NMNAT2: variants seen among roughly 807,000 people sequenced by gnomAD.
NMNAT2 encodes the protein nicotinamide/nicotinic acid mononucleotide adenylyltransferase 2.
In NMNAT2, 11 loss-of-function variants were observed where a neutral mutation model predicts 41.6. The ratio of observed to expected loss-of-function variants is 0.26; its 90% CI spans 0.17 to 0.44. NMNAT2 has a LOEUF of 0.44. Ranked by LOEUF, NMNAT2 falls within the 20% of genes least tolerant of loss-of-function variation. The pLI is 1.00. For synonymous variants in NMNAT2, 148 were observed against 151.2 expected, an observed-to-expected ratio of 0.98 and a Z score of 0.16; for missense variants, 288 against 407.7, an observed-to-expected ratio of 0.71 and a Z score of 2.53.
At chr1:183,415,058 C>T (rs886084369) in intron 1 of NMNAT2, among the ~76,000 whole-genome samples, 5 of 152,162 alleles carry the variant, frequency 3.3e-5, no homozygotes, top group Non-Finnish European at 5.9e-5. Flanking sequence ...ATACTGCAAC[C>T]TCTGCCTCCC....
chr1:183,418,241 A>G lies in NMNAT2; in HGVS notation c.27T>C (p.Val9=). ...TGAAGCTGCCGCAGGCGAGCAAGAT[A>G]ACGTGGGTCTTGGTGGTCTCGGTCA... MTETTKTH[V]ILLACGSFNP... is the part of the protein sequence containing the mutation. The change falls in exon 1 of 11, where the codon GTT becomes GTC. Residue 9 remains valine, a synonymous_variant. Transcript: ENST00000287713. The G allele has an allele frequency of 6.2e-7, 1 of 1,613,532 alleles. No homozygotes were observed. The highest frequency in any genetic ancestry group is 2.2e-5 in the East Asian group (1 of 44,812).
At chr1:183,333,847 C>T (rs1449110444) in intron 1 of NMNAT2, among the ~76,000 whole-genome samples, 6 of 152,200 alleles carry the variant, frequency 3.9e-5, no homozygotes, top group African/African-American at 1.4e-4. Flanking sequence ...CCCCTCCTGA[C>T]TTATAAATGC....
At chr1:183,289,443 T>G (rs1006210304) in intron 4 of NMNAT2, among the ~76,000 whole-genome samples, 3 of 152,238 alleles carry the variant, frequency 2.0e-5, no homozygotes, top group Non-Finnish European at 4.4e-5. Flanking sequence ...CTGAAGTCTC[T>G]GCAGCCCGGC....
chr1:183,392,628 T>C (rs2101922228), intron 1 of NMNAT2, among the ~76,000 whole-genome samples: 1 of 152,310 alleles, frequency 6.6e-6, no homozygotes, highest in African/African-American at 2.4e-5. Context: ...TCTAATCCCA[T>C]CTACCACCCC....
chr1:183,312,503 T>C (rs1382385455), intron 1 of NMNAT2, among the ~76,000 whole-genome samples: 1 of 152,156 alleles, frequency 6.6e-6, no homozygotes, highest in Non-Finnish European at 1.5e-5. Context: ...GCTTTATTTG[T>C]TTTGCTCTCT....
At chr1:183,356,100 T>A (rs533805074) in intron 1 of NMNAT2, among the ~76,000 whole-genome samples, 2 of 152,360 alleles carry the variant, frequency 1.3e-5, no homozygotes, top group African/African-American at 2.4e-5. Flanking sequence ...ACCGTGTGTC[T>A]GACACTATTG....
chr1:183,265,241 C>CTCT lies in NMNAT2; in HGVS notation c.652-3941_652-3939dup, dbSNP rs1360548200. 3.3e-3 allele frequency among the ~76,000 whole-genome samples: 444 copies of CTCT among 134,214 alleles called. 5 individuals are homozygous for CTCT. The highest frequency in any genetic ancestry group is 0.012 in the African/African-American group (402 of 34,724). The allele number at this position is 134,214 out of a possible 152,430, so 88.0% of individuals were successfully genotyped here. On this transcript the variant is annotated intron_variant, in intron 8 of 10. Transcript: ENST00000287713. The stretch of plus-strand genomic sequence containing the variant: ...ATAACCTTTTCCATAAATAGAAATT[C>CTCT]TCTTCTTCTTCTTCTTCTTTTTTTT...
chr1:183,400,403 G>A (rs922650191), intron 1 of NMNAT2, among the ~76,000 whole-genome samples: 11 of 152,266 alleles, frequency 7.2e-5, no homozygotes, highest in Middle Eastern at 3.4e-3. Flanking sequence ...ACTGCTCAAC[G>A]AAATAAAAGA....
At position 183,274,205 on chromosome 1, in the gene NMNAT2, G is replaced by A. The variant is rs372803155; in HGVS notation, c.651+4348C>T. Among the ~76,000 whole-genome samples the A allele has an allele frequency of 5.9e-5, 9 of 152,132 alleles. No individual in the cohort carries two copies. In the East Asian group the frequency reaches 1.2e-3, roughly 20 times the overall value. On this transcript the variant is annotated intron_variant, in intron 8 of 10. Transcript: ENST00000287713. Reference sequence around the variant, plus strand: ...TGGGATTACAGGTGTGAGCCACTGCGCCTGGCTGGCCAGCTCTATTTCTAG... The same window carrying A: ...TGGGATTACAGGTGTGAGCCACTGCACCTGGCTGGCCAGCTCTATTTCTAG...
chr1:183,337,569 C>A (rs1355420833), intron 1 of NMNAT2, among the ~76,000 whole-genome samples: 160 of 100,392 alleles, frequency 1.6e-3, no homozygotes, highest in Middle Eastern at 6.0e-3. Context: ...CTCTCCACAG[C>A]AAAAAAAAAA....
chr1:183,273,823 T>TTCCCTCCCTCCCTCCCTCCCTCCC (rs1375969151), intron 8 of NMNAT2, among the ~76,000 whole-genome samples: 2 of 44,994 alleles, frequency 4.4e-5, no homozygotes, highest in African/African-American at 2.0e-4. Flanking sequence ...TTCCTTTCTT[T>TTCCCTCCCTCCCTCCCTCCCTCCC]TCCCTCCCTC....
At chr1:183,300,912 A>C (rs763825092) in intron 1 of NMNAT2, among the ~76,000 whole-genome samples, 1 of 152,206 alleles carries the variant, frequency 6.6e-6, no homozygotes, top group South Asian at 2.1e-4. Flanking sequence ...TTTGATGTGC[A>C]TATGAATCCT....
At chr1:183,392,638 C>G (rs1207865555) in intron 1 of NMNAT2, among the ~76,000 whole-genome samples, 1 of 152,238 alleles carries the variant, frequency 6.6e-6, no homozygotes, top group African/African-American at 2.4e-5. Flanking sequence ...TCTACCACCC[C>G]CTCTCTCTTC....
chr1:183,327,815 G>A (rs1015102878), intron 1 of NMNAT2, among the ~76,000 whole-genome samples: 1 of 152,166 alleles, frequency 6.6e-6, no homozygotes, highest in Non-Finnish European at 1.5e-5. Context: ...TTTTGTGTGT[G>A]TATGTGTGTT....
intron 1 of NMNAT2, among the ~76,000 whole-genome samples, chr1:183,390,123 G>C (rs575061752): frequency 6.6e-6 from 1 of 152,188 alleles, no homozygotes; most frequent in African/African-American, 2.4e-5. Flanking sequence ...GTACGGGAAG[G>C]TGGGGAACAT....
intron 2 of NMNAT2, 84 bp from the exon 3 acceptor site, chr1:183,292,941 T>C (rs532814095): frequency 1.6e-6 from 2 of 1,288,102 alleles, no homozygotes; most frequent in Non-Finnish European, 2.2e-6. Context: ...CCACCCATTG[T>C]TAAAGTGCAG....
chr1:183,415,672 T>C (rs1027055235), intron 1 of NMNAT2, among the ~76,000 whole-genome samples: 7 of 152,214 alleles, frequency 4.6e-5, no homozygotes, highest in Admixed American at 4.6e-4. Flanking sequence ...GGTAATAATG[T>C]TTTTCTTATA....
At chr1:183,309,685 C>T (rs535143291) in intron 1 of NMNAT2, among the ~76,000 whole-genome samples, 1 of 152,270 alleles carries the variant, frequency 6.6e-6, no homozygotes, top group African/African-American at 2.4e-5. Flanking sequence ...ATTCAACAAC[C>T]TGGTTTTATC....
chr1:183,269,095 A>T (rs1660914407), intron 8 of NMNAT2, among the ~76,000 whole-genome samples: 1 of 152,170 alleles, frequency 6.6e-6, no homozygotes, highest in Admixed American at 6.5e-5. Context: ...TAAAAAGAAA[A>T]CATCAAATAG....
Sources: allele counts gnomAD v4.1 joint callset (sites outside exome capture counted in the v4.1 genomes callset), GRCh38; gene constraint gnomAD v4.1.1; transcripts MANE v1.5; gene names NCBI Gene and HGNC (gene_info 2026-07-23, HGNC 2026-07-21).